SKP2: variants seen among roughly 807,000 people sequenced by gnomAD.
The protein encoded by SKP2 is S-phase kinase-associated protein 2.
Under a neutral mutation model 51.8 loss-of-function variants are expected in SKP2, and 16 were observed. The ratio of observed to expected loss-of-function variants is 0.31; its 90% CI spans 0.21 to 0.47. SKP2 has a LOEUF of 0.47. Among genes scored for constraint, SKP2 ranks in the 20% least tolerant of loss-of-function variants. The probability of loss-of-function intolerance (pLI) is 1.00; values close to 1 mark genes in which losing one functional copy is unlikely to be tolerated. For missense variants in SKP2, 377 were observed against 505.3 expected (o/e 0.75, Z 2.43); for synonymous variants, 176 against 198.6 (o/e 0.89, Z 0.96).
intron 2 of SKP2, among the ~76,000 whole-genome samples, chr5:36,160,937 G>T (rs1459413360): frequency 6.6e-6 from 1 of 151,990 alleles, no homozygotes; most frequent in Non-Finnish European, 1.5e-5. Flanking sequence ...CTTTAATTTT[G>T]TCCCCTGAAG....
At chr5:36,156,610 G>T (rs1248916516) in intron 2 of SKP2, among the ~76,000 whole-genome samples, 2 of 152,136 alleles carry the variant, frequency 1.3e-5, no homozygotes, top group Non-Finnish European at 2.9e-5. Flanking sequence ...TCAGTAACAG[G>T]CGGAAAGGGG....
chr5:36,165,585 T>C (rs1745257249), intron 3 of SKP2, among the ~76,000 whole-genome samples: 1 of 152,192 alleles, frequency 6.6e-6, no homozygotes, highest in Admixed American at 6.5e-5. Context: ...GATACAAAAG[T>C]GTGCCACTCT....
At position 36,183,005 on chromosome 5, in the gene SKP2, TA is replaced by T; in HGVS notation, c.*977del. 2 of 804,924 alleles carry T rather than the reference TA, an allele frequency of 2.5e-6. No homozygotes were observed. Among genetic ancestry groups the T allele is most frequent in the Non-Finnish European group, 3.0e-6 (2 of 675,148 alleles). The allele number at this position is 804,924 out of a possible 1,614,324, so 49.9% of individuals were successfully genotyped here. A position where few individuals can be genotyped will look rare whatever the true frequency, so the allele number is the denominator to read the frequency against. ...AGTATTTTAAATTGTATTTTTTTTT[TA>T]AATGATCTCTCAGCAATAATTGTTT... is the stretch of plus-strand genomic sequence containing the variant. On this transcript the variant is annotated 3_prime_UTR_variant, in exon 10 of 10. Coordinates refer to ENST00000274255, the MANE Select transcript of SKP2 (RefSeq NM_005983.4).
At chr5:36,165,159 A>G (rs1450502447) in intron 3 of SKP2, among the ~76,000 whole-genome samples, 1 of 152,146 alleles carries the variant, frequency 6.6e-6, no homozygotes, top group Non-Finnish European at 1.5e-5. Context: ...TTAATCCTCC[A>G]TATGATTTTA....
At position 36,177,042 on chromosome 5, in the gene SKP2, A is replaced by G. The variant is rs751274734; in HGVS notation, c.953+26A>G. 2.6e-6 allele frequency: 4 copies of G among 1,530,418 alleles called. No homozygotes were observed. The South Asian group carries it at 3.4e-5, about 13-fold the overall frequency. The allele number at this position is 1,530,418 out of a possible 1,614,324, so 94.8% of individuals were successfully genotyped here. ...GTATTTTTTTATTTGTTTATTTTAGATCAAAAGTTGAAAAATCTTGATTTC... is the reference window on the plus strand; with the variant it reads ...GTATTTTTTTATTTGTTTATTTTAGGTCAAAAGTTGAAAAATCTTGATTTC... On this transcript the variant is annotated intron_variant, in intron 8 of 9. Transcript: ENST00000274255.
intron 7 of SKP2, 122 bp from the exon 8 acceptor site, chr5:36,176,843 G>A: frequency 8.0e-6 from 5 of 621,628 alleles, no homozygotes; most frequent in East Asian, 8.0e-5. Context: ...TTCTAATAGT[G>A]TGTGGTTCTA....
chr5:36,190,680 A>T, intron 6 of SKP2, among the ~76,000 whole-genome samples: 2 of 110,486 alleles, frequency 1.8e-5, no homozygotes, highest in African/African-American at 3.5e-5. Flanking sequence ...CGTCAAACAT[A>T]TGCAAAAAAA....
At chr5:36,172,440 A>T (rs909720758) in intron 7 of SKP2, among the ~76,000 whole-genome samples, 1 of 152,178 alleles carries the variant, frequency 6.6e-6, no homozygotes, top group African/African-American at 2.4e-5. Flanking sequence ...TTAATGAGAA[A>T]ATCTTGATTT....
At chr5:36,186,082 G>A (rs567026862), downstream of SKP2, among the ~76,000 whole-genome samples, 58 of 152,242 alleles carry the variant, frequency 3.8e-4, no homozygotes, top group African/African-American at 1.3e-3. Flanking sequence ...AAGAATGCTC[G>A]TGATTTTTGC....
Position 36,152,146 on chromosome 5 carries a change from G to A in SKP2, c.-117G>A, listed in dbSNP as rs1428699794. The A allele has an allele frequency of 2.8e-6, 3 of 1,053,130 alleles. No homozygotes were observed. Among genetic ancestry groups the A allele is most frequent in the South Asian group, 1.3e-5 (1 of 78,416 alleles). 65.2% of individuals were successfully genotyped at this position (1,053,130 alleles called of 1,614,324 possible). A position where few individuals can be genotyped will look rare whatever the true frequency, so the allele number is the denominator to read the frequency against. On this transcript the variant is annotated 5_prime_UTR_variant, in exon 1 of 10. Coordinates refer to ENST00000274255, the MANE Select transcript of SKP2 (RefSeq NM_005983.4). ...GAACGTTGCTAGGCTTAGCGGGTCT[G>A]GCTGCTGGGGGCCCGAGCAGCACGC...
At position 36,183,428 on chromosome 5, in the gene SKP2, G is replaced by C; in HGVS notation, c.*1397G>C. 3.7e-6 allele frequency: 1 copy of C among 268,596 alleles called. No individual in the cohort carries two copies. The highest frequency in any genetic ancestry group is 5.7e-6 in the Non-Finnish European group (1 of 174,996). 16.6% of individuals were successfully genotyped at this position (268,596 alleles called of 1,614,324 possible). A position where few individuals can be genotyped will look rare whatever the true frequency, so the allele number is the denominator to read the frequency against. On this transcript the variant is annotated 3_prime_UTR_variant, in exon 10 of 10. Coordinates refer to ENST00000274255, the MANE Select transcript of SKP2 (RefSeq NM_005983.4). The stretch of plus-strand genomic sequence containing the variant: ...ACTACAGGCGCCCACCACCACGCCC[G>C]GCTAATTTTTTTGTATTTTTAGTAG...
rs761373144 is a variant in SKP2, at chr5:36,168,379, A to G, written c.603A>G (p.Ile201Met). The G allele has an allele frequency of 1.9e-6, 3 of 1,614,090 alleles. No homozygotes were observed. The highest frequency in any genetic ancestry group is 2.5e-6 in the Non-Finnish European group (3 of 1,179,960). Residue 201 changes from isoleucine to methionine, a missense_variant, in exon 5 of 10, where the codon ATA becomes ATG. Ile to Met is a conservative substitution (Grantham distance 10, BLOSUM62 1). Around this residue, in one of 2 missense-constraint regions of SKP2, gnomAD observed 262 missense variants for 389.8 expected, o/e 0.67. Transcript: ENST00000274255. ...TAGAAGTGTCCACCCTCCACGGCAT[A>G]CTGTCTCAGTGTTCCAAGTTGCAGA... ...SVIEVSTLHG[I>M]LSQCSKLQNL...
chr5:36,165,281 C>T (rs909533706), intron 3 of SKP2, among the ~76,000 whole-genome samples: 4 of 152,058 alleles, frequency 2.6e-5, no homozygotes, highest in South Asian at 2.1e-4. Context: ...GCTAACTCCA[C>T]GGTCTTAACC....
At chr5:36,158,928 A>G (rs977467356) in intron 2 of SKP2, among the ~76,000 whole-genome samples, 9 of 152,230 alleles carry the variant, frequency 5.9e-5, no homozygotes, top group African/African-American at 2.2e-4. Flanking sequence ...CCATATGCCA[A>G]CAGTGCTGTG....
At chr5:36,164,809 G>A (rs1372482592) in intron 3 of SKP2, among the ~76,000 whole-genome samples, 2 of 152,094 alleles carry the variant, frequency 1.3e-5, no homozygotes, top group African/African-American at 4.8e-5. Context: ...AAATTTTATT[G>A]TATATATTTA....
At chr5:36,185,789 A>G (rs560151076), downstream of SKP2, among the ~76,000 whole-genome samples, 101 of 152,246 alleles carry the variant, frequency 6.6e-4, 4 homozygotes, top group South Asian at 0.021. Flanking sequence ...ATTCTGTGAA[A>G]AAAGTCATTG....
At chr5:36,184,898 A>G (rs1020786039), downstream of SKP2, among the ~76,000 whole-genome samples, 1 of 152,182 alleles carries the variant, frequency 6.6e-6, no homozygotes, top group Admixed American at 6.5e-5. Flanking sequence ...AAGTGATCCT[A>G]TATCTCCACA....
downstream of SKP2, among the ~76,000 whole-genome samples, chr5:36,189,106 TA>T (rs1745981586): frequency 6.6e-6 from 1 of 152,198 alleles, no homozygotes; most frequent in Non-Finnish European, 1.5e-5. Context: ...CTACACTGGT[TA>T]TTCTAGTTAG....
chr5:36,165,140 G>A (rs1361373419), intron 3 of SKP2, among the ~76,000 whole-genome samples: 1 of 152,158 alleles, frequency 6.6e-6, no homozygotes, highest in African/African-American at 2.4e-5. Flanking sequence ...CAGGTGCAGT[G>A]TTTGCAATTT....
Sources: allele counts gnomAD v4.1 joint callset (sites outside exome capture counted in the v4.1 genomes callset), GRCh38; gene constraint gnomAD v4.1.1; regional missense constraint gnomAD v4.1.1; transcripts MANE v1.5; gene names NCBI Gene and HGNC (gene_info 2026-07-23, HGNC 2026-07-21).